The following GBE1 variants were observed in gnomAD, a reference collection of about 807,000 sequenced individuals.
The protein encoded by GBE1 is 1,4-alpha-glucan branching enzyme 1.
A neutral mutation model predicts 88.8 loss-of-function variants in GBE1; 70 were observed. That is an observed-to-expected ratio of 0.79 (90% CI 0.65 to 0.96). The LOEUF (loss-of-function observed/expected upper bound fraction) is 0.96. GBE1 is among the 40% of genes least tolerant of loss of function. The pLI is 0.00. For missense variants in GBE1, 872 were observed against 871.0 expected (o/e 1.00, Z -0.01); for synonymous variants, 284 against 300.1 (o/e 0.95, Z 0.56).
rs527746026 is a variant in GBE1, at chr3:81,648,887, T to C, written c.660A>G (p.Thr220=). 3 of 1,579,414 alleles carry C rather than the reference T, an allele frequency of 1.9e-6. No individual in the cohort carries two copies. In the African/African-American group the frequency reaches 4.1e-5, roughly 22 times the overall value. The change falls in exon 5 of 16, where the codon ACA becomes ACG. Residue 220 remains threonine, a synonymous_variant. Transcript: ENST00000429644. ...EGKVASYKHF[T]CNVLPRIKGL... is the part of the protein sequence containing the mutation. ...CTTTGATTCTTGGTAGTACATTGCA[T>C]GTAAAATGTTTATAAGAAGCTACTT... is the stretch of plus-strand genomic sequence containing the variant.
At chr3:81,713,055 T>G (rs1487920755) in intron 1 of GBE1, among the ~76,000 whole-genome samples, 2 of 152,214 alleles carry the variant, frequency 1.3e-5, no homozygotes, top group Non-Finnish European at 2.9e-5. Flanking sequence ...TATTGTGTGC[T>G]AATAATTCAG....
intron 11 of GBE1, among the ~76,000 whole-genome samples, chr3:81,579,509 C>T (rs1703691760): frequency 6.6e-6 from 1 of 152,020 alleles, no homozygotes; most frequent in Non-Finnish European, 1.5e-5. Flanking sequence ...GTTCATGCCA[C>T]TTATTTGTTT....
intron 1 of GBE1, chr3:81,743,666 C>T: frequency 1.6e-6 from 2 of 1,280,516 alleles, no homozygotes; most frequent in East Asian, 2.6e-5. Flanking sequence ...TTAAAGCAGA[C>T]AGCAGTCACC....
At chr3:81,759,487 C>T (rs1706648189) in intron 1 of GBE1, among the ~76,000 whole-genome samples, 1 of 152,186 alleles carries the variant, frequency 6.6e-6, no homozygotes, top group Admixed American at 6.5e-5. Context: ...GAACTAAGAC[C>T]AGATTGTATG....
intron 12 of GBE1, among the ~76,000 whole-genome samples, chr3:81,544,330 G>C (rs1437977241): frequency 6.6e-6 from 1 of 152,080 alleles, no homozygotes; most frequent in Non-Finnish European, 1.5e-5. Flanking sequence ...TCCAAAATAC[G>C]TATTACAAGT....
At chr3:81,699,808 C>G (rs1705661110) in intron 2 of GBE1, among the ~76,000 whole-genome samples, 1 of 152,140 alleles carries the variant, frequency 6.6e-6, no homozygotes, top group East Asian at 1.9e-4. Flanking sequence ...ACAGACACAC[C>G]CAGGATTAAA....
At chr3:81,760,510 A>C (rs1006822282) in intron 1 of GBE1, among the ~76,000 whole-genome samples, 4 of 152,220 alleles carry the variant, frequency 2.6e-5, no homozygotes, top group Non-Finnish European at 4.4e-5. Context: ...AAAGGGGAGA[A>C]ACTATTAAAT....
At chr3:81,749,078 G>A (rs770638252) in intron 1 of GBE1, among the ~76,000 whole-genome samples, 22 of 151,572 alleles carry the variant, frequency 1.5e-4, no homozygotes, top group Non-Finnish European at 1.6e-4. Context: ...TGCTTGCCAC[G>A]TGACCCAGCT....
intron 14 of GBE1, among the ~76,000 whole-genome samples, chr3:81,528,237 G>T (rs1702971859): frequency 7.6e-6 from 1 of 130,818 alleles, no homozygotes; most frequent in East Asian, 2.6e-4. Flanking sequence ...GGAGGGGGGA[G>T]GGGGGAGGGA....
At chr3:81,594,059 G>T in intron 7 of GBE1, 36 bp from the exon 8 acceptor site, 1 of 975,132 alleles carries the variant, frequency 1.0e-6, no homozygotes. Flanking sequence ...TAAGCAAAAT[G>T]TGAAGAGCAT....
At chr3:81,561,700 A>G (rs1703419596) in intron 12 of GBE1, among the ~76,000 whole-genome samples, 1 of 152,064 alleles carries the variant, frequency 6.6e-6, no homozygotes, top group Non-Finnish European at 1.5e-5. Flanking sequence ...CAAGTAACAT[A>G]TCTAAACTGG....
chr3:81,750,564 T>TACAC (rs1491191667), intron 1 of GBE1, among the ~76,000 whole-genome samples: 3 of 68,214 alleles, frequency 4.4e-5, no homozygotes, highest in Non-Finnish European at 7.8e-5. Context: ...TATATATATG[T>TACAC]ATATATATAT....
At chr3:81,539,527 G>T (rs1277067219) in intron 12 of GBE1, among the ~76,000 whole-genome samples, 1 of 151,968 alleles carries the variant, frequency 6.6e-6, no homozygotes, top group Non-Finnish European at 1.5e-5. Context: ...GTGGAAAAAA[G>T]ACTGGATATC....
intron 1 of GBE1, among the ~76,000 whole-genome samples, chr3:81,708,936 A>G (rs1267006321): frequency 6.6e-6 from 1 of 152,166 alleles, no homozygotes; most frequent in East Asian, 1.9e-4. Flanking sequence ...AACCACCCCA[A>G]GGAGCCAGGC....
intron 12 of GBE1, 51 bp from the exon 13 acceptor site, chr3:81,537,146 T>A: frequency 9.3e-7 from 1 of 1,076,024 alleles, no homozygotes; most frequent in Non-Finnish European, 1.3e-6. Context: ...TAGAATTTCT[T>A]ACTAATAATA....
At chr3:81,680,318 A>C (rs1393351275) in intron 2 of GBE1, among the ~76,000 whole-genome samples, 1 of 151,966 alleles carries the variant, frequency 6.6e-6, no homozygotes, top group Non-Finnish European at 1.5e-5. Context: ...ATGGTGAAAC[A>C]CCGTCTCTAC....
intron 3 of GBE1, among the ~76,000 whole-genome samples, chr3:81,657,143 A>T (rs530025980): frequency 6.6e-6 from 1 of 151,268 alleles, no homozygotes; most frequent in Non-Finnish European, 1.5e-5. Context: ...TCAAAAAAAA[A>T]AAAAACAAAA....
At chr3:81,754,266 C>T (rs895611037) in intron 1 of GBE1, among the ~76,000 whole-genome samples, 18 of 151,828 alleles carry the variant, frequency 1.2e-4, no homozygotes, top group Admixed American at 3.3e-4. Flanking sequence ...AGTGAAAGAT[C>T]TATACAAGGA....
intron 12 of GBE1, among the ~76,000 whole-genome samples, chr3:81,555,288 CT>C (rs1394380949): frequency 2.6e-5 from 4 of 152,136 alleles, no homozygotes; most frequent in African/African-American, 9.7e-5. Flanking sequence ...AATCTAGTAT[CT>C]TTAAGATAAT....
Sources: gnomAD v4.1 joint callset for allele counts (sites outside exome capture counted in the v4.1 genomes callset) on GRCh38, gnomAD v4.1.1 for gene constraint, MANE v1.5 for transcripts, NCBI Gene and HGNC (gene_info 2026-07-23, HGNC 2026-07-21) for gene names.